Variants in METTL15 observed in about 807,000 individuals in gnomAD.
The protein encoded by METTL15 is 12S rRNA N(4)-cytidine methyltransferase METTL15.
Under a neutral mutation model 38.3 loss-of-function variants are expected in METTL15, and 34 were observed. The ratio of observed to expected loss-of-function variants is 0.89; its 90% CI spans 0.68 to 1.18. The LOEUF is 1.18. Among genes scored for constraint, METTL15 ranks in the 50% most tolerant of loss-of-function variants. The pLI, the probability that METTL15 is intolerant of heterozygous loss-of-function variation, is 0.00. For missense variants in METTL15, 438 were observed against 498.4 expected (o/e 0.88, Z 1.15); for synonymous variants, 162 against 170.9 (o/e 0.95, Z 0.41).
chr11:28,170,327 A>G (rs1850811155), intron 3 of METTL15, among the ~76,000 whole-genome samples: 1 of 152,046 alleles, frequency 6.6e-6, no homozygotes, highest in South Asian at 2.1e-4. Context: ...CTTGTCTCTT[A>G]GGAAGCATGA....
intron 6 of METTL15, among the ~76,000 whole-genome samples, chr11:28,504,249 C>T (rs965471047): frequency 1.4e-5 from 2 of 144,444 alleles, no homozygotes; most frequent in African/African-American, 5.1e-5. Flanking sequence ...AAATTGCATA[C>T]TTAAATGTTC....
chr11:28,288,513 G>A (rs1395146441), intron 4 of METTL15, among the ~76,000 whole-genome samples: 1 of 152,150 alleles, frequency 6.6e-6, no homozygotes, highest in Admixed American at 6.6e-5. Context: ...GCCTTTGCAG[G>A]AACATGGATG....
At chr11:28,384,605 C>A (rs541263304) in intron 5 of METTL15, among the ~76,000 whole-genome samples, 1 of 152,232 alleles carries the variant, frequency 6.6e-6, no homozygotes, top group South Asian at 2.1e-4. Flanking sequence ...CCACCACACC[C>A]AGCCACATGT....
intron 5 of METTL15, among the ~76,000 whole-genome samples, chr11:28,379,396 G>T (rs1850357650): frequency 6.6e-6 from 1 of 151,728 alleles, no homozygotes. Flanking sequence ...ATAGATTTTG[G>T]TCTGTTGTAT....
intron 4 of METTL15, among the ~76,000 whole-genome samples, chr11:28,221,406 C>T (rs1853213982): frequency 1.3e-5 from 2 of 152,134 alleles, no homozygotes; most frequent in Non-Finnish European, 2.9e-5. Flanking sequence ...TGGTTTTCAG[C>T]TCCATCAGGT....
At chr11:28,301,409 G>T (rs892605846) in intron 6 of METTL15, among the ~76,000 whole-genome samples, 1 of 151,958 alleles carries the variant, frequency 6.6e-6, no homozygotes, top group Admixed American at 6.6e-5. Flanking sequence ...TGCTACCATT[G>T]CACTGCATTC....
intron 4 of METTL15, among the ~76,000 whole-genome samples, chr11:28,229,164 C>T (rs1233363719): frequency 2.0e-5 from 3 of 151,624 alleles, no homozygotes; most frequent in Admixed American, 2.0e-4. Context: ...GTTATAATTG[C>T]TTTTAGAATT....
At chr11:28,323,198 T>C (rs1199611531) in intron 6 of METTL15, among the ~76,000 whole-genome samples, 1 of 152,174 alleles carries the variant, frequency 6.6e-6, no homozygotes, top group Non-Finnish European at 1.5e-5. Context: ...GGCTTTTTTT[T>C]TCTTTTCTTT....
downstream of METTL15, among the ~76,000 whole-genome samples, chr11:28,333,846 T>A (rs1198877852): frequency 1.3e-5 from 2 of 151,850 alleles, no homozygotes; most frequent in Non-Finnish European, 2.9e-5. Context: ...TTAGATTTTT[T>A]AAATGAACTA....
chr11:28,458,029 G>T (rs1851184308), intron 6 of METTL15, among the ~76,000 whole-genome samples: 1 of 152,182 alleles, frequency 6.6e-6, no homozygotes, highest in African/African-American at 2.4e-5. Flanking sequence ...CCCTGTAGGG[G>T]CAGAAGGATA....
chr11:28,409,116 C>T (rs1850701712), intron 5 of METTL15, among the ~76,000 whole-genome samples: 1 of 152,146 alleles, frequency 6.6e-6, no homozygotes, highest in East Asian at 1.9e-4. Context: ...GGCGCAGTGG[C>T]TCACGCCTGT....
At chr11:28,509,429 G>A (rs1474912599) in intron 6 of METTL15, among the ~76,000 whole-genome samples, 3 of 151,642 alleles carry the variant, frequency 2.0e-5, no homozygotes, top group Non-Finnish European at 2.9e-5. Context: ...GCCCAGTCCT[G>A]GAATGGGTTT....
intron 5 of METTL15, among the ~76,000 whole-genome samples, chr11:28,400,310 A>G (rs1850618727): frequency 6.6e-6 from 1 of 151,970 alleles, no homozygotes; most frequent in Non-Finnish European, 1.5e-5. Flanking sequence ...CTTCGCTTTA[A>G]GCTTACACAT....
intron 5 of METTL15, among the ~76,000 whole-genome samples, chr11:28,403,666 A>T (rs1850649829): frequency 6.6e-6 from 1 of 152,060 alleles, no homozygotes; most frequent in Non-Finnish European, 1.5e-5. Context: ...ACAATGAACC[A>T]TGTCATAGAT....
chr11:28,477,638 G>A (rs1365509010), intron 6 of METTL15: 1 of 151,710 alleles, frequency 6.6e-6, no homozygotes, highest in African/African-American at 2.4e-5. Flanking sequence ...TAGCATCCCT[G>A]GAAAAAAATC....
intron 4 of METTL15, among the ~76,000 whole-genome samples, chr11:28,242,960 G>C (rs1590210461): frequency 6.6e-6 from 1 of 151,864 alleles, no homozygotes; most frequent in East Asian, 1.9e-4. Context: ...GTGTTCTTTT[G>C]AAAGGTGCTA....
In METTL15 at chr11:28,429,280, C is replaced by A. The variant is rs1312780255; in HGVS notation, c.*424+4916C>A. Among the ~76,000 whole-genome samples, 5 of 151,918 alleles carry A rather than the reference C, an allele frequency of 3.3e-5. No individual in the cohort carries two copies. In the East Asian group the frequency reaches 5.8e-4, roughly 18 times the overall value. The stretch of plus-strand genomic sequence containing the variant: ...TCCTTAGATGACAATTAAAGAAGAT[C>A]GAAAGTCAAGAGTAACTTGAAATAT... On this transcript the variant is annotated intron_variant and NMD_transcript_variant, in intron 6 of 7. Transcript: ENST00000532947.
chr11:28,221,184 A>G (rs926647168), intron 4 of METTL15, among the ~76,000 whole-genome samples: 8 of 151,986 alleles, frequency 5.3e-5, no homozygotes, highest in African/African-American at 1.9e-4. Flanking sequence ...TCTCCCCATC[A>G]CTTTCAGGTA....
At chr11:28,199,060 T>C (rs1222732624) in intron 3 of METTL15, among the ~76,000 whole-genome samples, 1 of 151,984 alleles carries the variant, frequency 6.6e-6, no homozygotes, top group Non-Finnish European at 1.5e-5. Context: ...ACTAATTATG[T>C]CAAAGGAGCA....
Sources: gnomAD v4.1 joint callset for allele counts (sites outside exome capture counted in the v4.1 genomes callset) on GRCh38, gnomAD v4.1.1 for gene constraint, MANE v1.5 for transcripts, NCBI Gene and HGNC (gene_info 2026-07-23, HGNC 2026-07-21) for gene names.